The following KLF8 variants were observed in gnomAD, a reference collection of about 807,000 sequenced individuals.
KLF8 encodes KLF transcription factor 8.
In KLF8, 10 loss-of-function variants were observed where a neutral mutation model predicts 18.2. That is an observed-to-expected ratio of 0.55 (90% CI 0.34 to 0.93). The LOEUF (loss-of-function observed/expected upper bound fraction) is 0.93. KLF8 is among the 40% of genes least tolerant of loss of function. The pLI, the probability that KLF8 is intolerant of heterozygous loss-of-function variation, is 0.02. For synonymous variants in KLF8, 109 were observed against 97.3 expected, an observed-to-expected ratio of 1.12 and a Z score of -0.71; for missense variants, 264 against 277.9, an observed-to-expected ratio of 0.95 and a Z score of 0.36.
the KLF8 span, among the ~76,000 whole-genome samples, chrX:55,915,971 C>T: frequency 1.8e-5 from 2 of 111,697 alleles, no homozygotes; most frequent in Non-Finnish European, 3.8e-5. Context: ...ATTATATTAC[C>T]TAGTGAGCAA....
the KLF8 span, among the ~76,000 whole-genome samples, chrX:56,161,178 G>T: frequency 9.0e-6 from 1 of 111,465 alleles, no homozygotes; most frequent in Non-Finnish European, 1.9e-5. Context: ...TGAAATTCTG[G>T]GTTGAAAATT....
chrX:56,238,011 C>T (rs1264176849), intron 1 of KLF8, among the ~76,000 whole-genome samples: 1 of 111,759 alleles, frequency 8.9e-6, no homozygotes, highest in African/African-American at 3.2e-5. Context: ...AATTTCTTTC[C>T]TAAAGGCCCT....
chrX:55,983,078 C>A, the KLF8 span, among the ~76,000 whole-genome samples: 1 of 111,477 alleles, frequency 9.0e-6, no homozygotes, highest in Non-Finnish European at 1.9e-5. Context: ...GAAAAAGTAT[C>A]CTACCTAAAA....
At chrX:56,120,867 G>C in the KLF8 span, among the ~76,000 whole-genome samples, 1 of 111,270 alleles carries the variant, frequency 9.0e-6, no homozygotes, top group African/African-American at 3.3e-5. Flanking sequence ...CAGGGTGACT[G>C]TAGCATGCCC....
At chrX:56,023,895 A>G in the KLF8 span, among the ~76,000 whole-genome samples, 2 of 111,822 alleles carry the variant, frequency 1.8e-5, no homozygotes, top group African/African-American at 3.2e-5. Flanking sequence ...ATGGACATTT[A>G]TTTAGGTTGT....
the KLF8 span, among the ~76,000 whole-genome samples, chrX:56,004,769 G>T: frequency 8.1e-5 from 9 of 111,745 alleles, no homozygotes; most frequent in Non-Finnish European, 1.3e-4. Flanking sequence ...ACAAAGCAGA[G>T]TGGAGAAGTT....
chrX:56,061,760 G>T, the KLF8 span, among the ~76,000 whole-genome samples: 7 of 110,556 alleles, frequency 6.3e-5, no homozygotes, highest in Admixed American at 1.9e-4. Context: ...TGATAGTGGG[G>T]TGTTAAAGTC....
At chrX:56,178,259 T>C in the KLF8 span, among the ~76,000 whole-genome samples, 4 of 112,875 alleles carry the variant, frequency 3.5e-5, no homozygotes, top group Non-Finnish European at 5.6e-5. Context: ...TTCTTCTGTG[T>C]CTGTTGGCTG....
the KLF8 span, among the ~76,000 whole-genome samples, chrX:56,065,793 G>A: frequency 8.9e-6 from 1 of 111,869 alleles, no homozygotes; most frequent in Non-Finnish European, 1.9e-5. Flanking sequence ...GTCCTTGTAT[G>A]AGTTATTTGA....
the KLF8 span, among the ~76,000 whole-genome samples, chrX:55,994,072 G>A: frequency 7.3e-5 from 8 of 109,047 alleles, no homozygotes; most frequent in Non-Finnish European, 1.3e-4. Flanking sequence ...CACCATGTCC[G>A]GCGAATTTTT....
chrX:56,194,232 C>A, the KLF8 span, among the ~76,000 whole-genome samples: 1 of 111,140 alleles, frequency 9.0e-6, no homozygotes, highest in African/African-American at 3.3e-5. Flanking sequence ...GGGTACAGCC[C>A]ACAGAGGGTG....
chrX:56,018,835 G>A, the KLF8 span, among the ~76,000 whole-genome samples: 1 of 110,569 alleles, frequency 9.0e-6, no homozygotes, highest in South Asian at 3.8e-4. Context: ...GAGATTGACA[G>A]GAAGAAGGAG....
At chrX:56,080,581 AT>A in the KLF8 span, among the ~76,000 whole-genome samples, 2 of 110,104 alleles carry the variant, frequency 1.8e-5, no homozygotes, top group African/African-American at 6.6e-5. Context: ...TGCCCTTAAC[AT>A]TTTTTCCTTC....
At chrX:56,107,519 G>A in the KLF8 span, among the ~76,000 whole-genome samples, 9 of 111,953 alleles carry the variant, frequency 8.0e-5, no homozygotes, top group Non-Finnish European at 1.3e-4. Context: ...CATGGGACCC[G>A]CCAAGCCCGG....
chrX:56,157,636 G>A, the KLF8 span, among the ~76,000 whole-genome samples: 2 of 111,591 alleles, frequency 1.8e-5, no homozygotes, highest in East Asian at 2.8e-4. Flanking sequence ...TTCTCTGATG[G>A]CCAGTGATGA....
chrX:56,157,085 G>C, the KLF8 span, among the ~76,000 whole-genome samples: 1 of 107,656 alleles, frequency 9.3e-6, no homozygotes, highest in African/African-American at 3.4e-5. Flanking sequence ...TCCTTTGTAG[G>C]GACATGGATG....
chrX:56,140,041 C>A, the KLF8 span, among the ~76,000 whole-genome samples: 2 of 111,922 alleles, frequency 1.8e-5, no homozygotes, highest in Non-Finnish European at 3.8e-5. Context: ...AAATACAAAT[C>A]AAAACCACGA....
At chrX:55,945,206 A>T in the KLF8 span, among the ~76,000 whole-genome samples, 6 of 110,742 alleles carry the variant, frequency 5.4e-5, no homozygotes, top group Admixed American at 9.7e-5. Flanking sequence ...CAGTTTGTTA[A>T]AATTTCTGTT....
chrX:56,160,771 GC>G, the KLF8 span, among the ~76,000 whole-genome samples: 20 of 110,783 alleles, frequency 1.8e-4, no homozygotes, highest in Non-Finnish European at 3.2e-4. Flanking sequence ...TTTATTTTGA[GC>G]CTATGTGTGT....
Sources: allele counts gnomAD v4.1 joint callset (sites outside exome capture counted in the v4.1 genomes callset), GRCh38; gene constraint gnomAD v4.1.1; transcripts MANE v1.5; gene names NCBI Gene and HGNC (gene_info 2026-07-23, HGNC 2026-07-21).